Variants in PXDNL observed in about 807,000 individuals in gnomAD.
PXDNL encodes the protein probable oxidoreductase PXDNL.
In PXDNL, 145 loss-of-function variants were observed where a neutral mutation model predicts 150.8. The observed-to-expected ratio is 0.96, with a 90% CI of 0.84 to 1.10. The LOEUF (loss-of-function observed/expected upper bound fraction) is 1.10, where lower values mean the gene tolerates loss of function less well. PXDNL is among the 50% of genes least tolerant of loss of function. PXDNL has a pLI of 0.00. For missense variants in PXDNL, 2,087 were observed against 1,873.9 expected (o/e 1.11, Z -2.10); for synonymous variants, 757 against 725.7 (o/e 1.04, Z -0.69).
At chr8:51,627,301 C>T (rs1271326521) in intron 2 of PXDNL, among the ~76,000 whole-genome samples, 1 of 152,038 alleles carries the variant, frequency 6.6e-6, no homozygotes, top group Non-Finnish European at 1.5e-5. Context: ...AATCAAGACA[C>T]TTGGAAAAAT....
intron 19 of PXDNL, among the ~76,000 whole-genome samples, chr8:51,360,042 CAAA>C (rs1366137848): frequency 9.3e-5 from 8 of 85,584 alleles, no homozygotes; most frequent in Admixed American, 1.2e-4. Context: ...AAGAGAAAAG[CAAA>C]AAAAAAAAAA....
chr8:51,345,980 T>C lies in PXDNL; in HGVS notation c.3902-33A>G, dbSNP rs763739878. Reference sequence around the variant, plus strand: ...GAAAGAAGTAACCACAATAGCATCATGTGAGATGCGATGTCATGATCTCAT... The same window carrying C: ...GAAAGAAGTAACCACAATAGCATCACGTGAGATGCGATGTCATGATCTCAT... On this transcript the variant is annotated intron_variant, in intron 19 of 22. Transcript: ENST00000356297. 15 of 1,274,898 alleles carry C rather than the reference T, an allele frequency of 1.2e-5. No individual in the cohort carries two copies. In the African/African-American group the frequency reaches 2.1e-4, roughly 17 times the overall value. The allele number at this position is 1,274,898 out of a possible 1,614,324, so 79.0% of individuals were successfully genotyped here.
At chr8:51,762,800 C>T (rs2037178854) in intron 1 of PXDNL, among the ~76,000 whole-genome samples, 1 of 152,152 alleles carries the variant, frequency 6.6e-6, no homozygotes, top group Non-Finnish European at 1.5e-5. Context: ...TCATATTTGG[C>T]TCAGAATAAA....
intron 2 of PXDNL, among the ~76,000 whole-genome samples, chr8:51,608,793 C>CAG (rs1813930263): frequency 7.2e-6 from 1 of 139,218 alleles, no homozygotes; most frequent in Admixed American, 7.7e-5. Context: ...GCCGAGATTG[C>CAG]GCCACTGCAC....
intron 4 of PXDNL, among the ~76,000 whole-genome samples, chr8:51,534,167 T>C (rs1361021796): frequency 2.9e-5 from 4 of 138,580 alleles, no homozygotes; most frequent in African/African-American, 9.4e-5. Context: ...GCGCCTCTGC[T>C]GGGCCACAAC....
intron 1 of PXDNL, among the ~76,000 whole-genome samples, chr8:51,799,506 T>A (rs2037597043): frequency 6.6e-6 from 1 of 152,212 alleles, no homozygotes; most frequent in African/African-American, 2.4e-5. Context: ...TAATTGATTG[T>A]TGTCTTGGGC....
rs566313602 is a variant in PXDNL, at chr8:51,503,441, T to A, written c.381-3671A>T. 9.2e-5 allele frequency among the ~76,000 whole-genome samples: 14 copies of A among 152,304 alleles called. No homozygotes were observed. The South Asian group carries it at 2.9e-3, about 32-fold the overall frequency. On this transcript the variant is annotated intron_variant, in intron 4 of 22. Transcript: ENST00000356297. ...TTTAAGCCAATTTAAAGCAGTAGGATGTTTTAGGTTATATGTGTTTGATTT... is the reference window on the plus strand; with the variant it reads ...TTTAAGCCAATTTAAAGCAGTAGGAAGTTTTAGGTTATATGTGTTTGATTT...
rs544699254 is a variant in PXDNL, at chr8:51,601,541, C to T, written c.237-8843G>A. On this transcript the variant is annotated intron_variant, in intron 2 of 22. Transcript: ENST00000356297. ...GTTTTATCTGATATAAGAATAGCAACTCCTGCTTTTTTTTCCATTTGCATG... is the reference window on the plus strand; with the variant it reads ...GTTTTATCTGATATAAGAATAGCAATTCCTGCTTTTTTTTCCATTTGCATG... 2.6e-5 allele frequency among the ~76,000 whole-genome samples: 4 copies of T among 152,034 alleles called. No homozygotes were observed. The East Asian group carries it at 7.7e-4, about 29-fold the overall frequency.
At chr8:51,328,105 A>G (rs1805574101) in intron 21 of PXDNL, among the ~76,000 whole-genome samples, 1 of 152,226 alleles carries the variant, frequency 6.6e-6, no homozygotes, top group South Asian at 2.1e-4. Context: ...CCTGAATAGA[A>G]CACAAATAGC....
chr8:51,457,484 A>C lies in PXDNL; in HGVS notation c.982+14T>G. 1 of 1,594,472 alleles carries C rather than the reference A, an allele frequency of 6.3e-7. No individual in the cohort carries two copies. Among genetic ancestry groups the C allele is most frequent in the Admixed American group, 1.7e-5 (1 of 57,376 alleles). On this transcript the variant is annotated intron_variant, in intron 9 of 22. Transcript: ENST00000356297. The stretch of plus-strand genomic sequence containing the variant: ...GTGCAGATAATTGATAGAACTAGAA[A>C]ATAATAGTTTTACCTGGAAGACTGG...
At chr8:51,808,915 G>T (rs80143499) in intron 1 of PXDNL, among the ~76,000 whole-genome samples, 17,789 of 152,150 alleles carry the variant, frequency 0.12, 1,248 homozygotes, top group East Asian at 0.16. Flanking sequence ...AAGGAAGAAT[G>T]AAGACGAGAA....
In PXDNL at chr8:51,613,386, CTT is replaced by C. The variant is rs1427088763; in HGVS notation, c.237-20690_237-20689del. ...CCTAAAGACATCAATTTGAGCGTCACTTGATGTACAGGCAGTATCTGAAGACA... is the reference window on the plus strand; with the variant it reads ...CCTAAAGACATCAATTTGAGCGTCACGATGTACAGGCAGTATCTGAAGACA... On this transcript the variant is annotated intron_variant, in intron 2 of 22. Coordinates refer to ENST00000356297, the MANE Select transcript of PXDNL (RefSeq NM_144651.5). Among the ~76,000 whole-genome samples the C allele has an allele frequency of 2.7e-5, 4 of 146,458 alleles. No homozygotes were observed. The Admixed American group carries it at 2.9e-4, about 11-fold the overall frequency.
At chr8:51,501,543 AAC>A (rs1278737580) in intron 4 of PXDNL, among the ~76,000 whole-genome samples, 2 of 151,072 alleles carry the variant, frequency 1.3e-5, no homozygotes, top group East Asian at 2.0e-4. Flanking sequence ...CACATACACT[AAC>A]ACACAGCATC....
intron 12 of PXDNL, among the ~76,000 whole-genome samples, chr8:51,440,231 G>A (rs978704035): frequency 1.3e-5 from 2 of 152,042 alleles, no homozygotes; most frequent in Non-Finnish European, 2.9e-5. Context: ...CAAGCTATGA[G>A]GATGAAAAGA....
intron 1 of PXDNL, among the ~76,000 whole-genome samples, chr8:51,676,880 T>A (rs1293867159): frequency 6.6e-6 from 1 of 152,168 alleles, no homozygotes; most frequent in Non-Finnish European, 1.5e-5. Context: ...CTGTCAAAAA[T>A]TTTTTCAGAC....
intron 4 of PXDNL, among the ~76,000 whole-genome samples, chr8:51,537,660 G>C (rs1280491439): frequency 6.6e-6 from 1 of 152,118 alleles, no homozygotes; most frequent in Non-Finnish European, 1.5e-5. Context: ...ACCTTGAAGA[G>C]CCCCCAAAGG....
At chr8:51,510,657 A>G (rs942218510) in intron 4 of PXDNL, among the ~76,000 whole-genome samples, 1 of 152,172 alleles carries the variant, frequency 6.6e-6, no homozygotes, top group Non-Finnish European at 1.5e-5. Context: ...ACATGACCTA[A>G]GAAGCCCAGG....
chr8:51,780,390 A>G (rs1264511973), intron 1 of PXDNL, among the ~76,000 whole-genome samples: 1 of 152,118 alleles, frequency 6.6e-6, no homozygotes, highest in Non-Finnish European at 1.5e-5. Flanking sequence ...GACACCCAAA[A>G]ATACATATGT....
intron 21 of PXDNL, among the ~76,000 whole-genome samples, chr8:51,333,882 T>C (rs530773801): frequency 2.6e-5 from 4 of 152,272 alleles, no homozygotes; most frequent in Admixed American, 2.6e-4. Flanking sequence ...GGGACTTCAA[T>C]ACTCTACTGA....
Sources: gnomAD v4.1 joint callset for allele counts (sites outside exome capture counted in the v4.1 genomes callset) on GRCh38, gnomAD v4.1.1 for gene constraint, MANE v1.5 for transcripts, NCBI Gene and HGNC (gene_info 2026-07-23, HGNC 2026-07-21) for gene names.